The following GRIN1 variants were observed in gnomAD, a reference collection of about 807,000 sequenced individuals.
GRIN1 encodes the protein glutamate receptor ionotropic, NMDA 1.
GRIN1 carries 38 observed loss-of-function variants against 103.0 expected under a neutral mutation model. The ratio of observed to expected loss-of-function variants is 0.37; its 90% CI spans 0.28 to 0.48. The LOEUF (loss-of-function observed/expected upper bound fraction) is 0.48. GRIN1 is among the 20% of genes least tolerant of loss of function. The pLI is 0.98. For missense variants in GRIN1, 577 were observed against 1,288.9 expected (o/e 0.45, Z 8.46); for synonymous variants, 544 against 532.7 (o/e 1.02, Z -0.29).
At chr9:137,148,268 C>A (rs562334634) in intron 3 of GRIN1, 2 of 1,251,730 alleles carry the variant, frequency 1.6e-6, no homozygotes, top group South Asian at 1.3e-5. Flanking sequence ...CTGGCCTCGG[C>A]GCCTCGGCCA....
In GRIN1 at chr9:137,139,425, C is replaced by T. The variant is rs1451149885; in HGVS notation, c.-62C>T. On this transcript the variant is annotated 5_prime_UTR_variant, in exon 1 of 20. Coordinates refer to ENST00000371561, the MANE Select transcript of GRIN1 (RefSeq NM_007327.4). This position sits in a 1 kb window ranked among gnomAD's most constrained non-coding sequence, Gnocchi z 7.7. ...AGCGCAGGACGGCCCGGAAGCCCCG[C>T]GGGGGATGCGCCGAGGGCCCCGCGT... 8 of 1,292,716 alleles carry T rather than the reference C, an allele frequency of 6.2e-6. No homozygotes were observed. In the African/African-American group the frequency reaches 1.1e-4, roughly 18 times the overall value. The allele number at this position is 1,292,716 out of a possible 1,614,324, so 80.1% of individuals were successfully genotyped here.
rs148688400 is a variant in GRIN1 at position 137,139,552 on chromosome 9, C to T, written c.66C>T (p.Cys22=). Residue 22 remains cysteine, a synonymous_variant, in exon 1 of 20, where the codon TGC becomes TGT. Transcript: ENST00000371561. The surrounding 1 kb of genome is among the most constrained non-coding windows in gnomAD (Gnocchi z 7.7). ...CCTGCTCCGTCGCCCGTGCCGCGTGCGACCCCAAGATCGTCAACATTGGCG... is the reference window on the plus strand; with the variant it reads ...CCTGCTCCGTCGCCCGTGCCGCGTGTGACCCCAAGATCGTCAACATTGGCG... ...LFSCSVARAA[C]DPKIVNIGAV... is the part of the protein sequence containing the mutation. The T allele has an allele frequency of 1.6e-5, 26 of 1,611,632 alleles. No homozygotes were observed. In the African/African-American group the frequency reaches 2.8e-4, roughly 17 times the overall value.
chr9:137,161,377 G>T lies in GRIN1; in HGVS notation c.1428G>T (p.Val476=). The T allele has an allele frequency of 6.2e-7, 1 of 1,612,510 alleles. No homozygotes were observed. The highest frequency in any genetic ancestry group is 1.1e-5 in the South Asian group (1 of 91,056). ...GGACCATGAACTTCACCTACGAGGT[G>T]CACCTGGTGGCAGATGGCAAGTTCG... is the stretch of plus-strand genomic sequence containing the variant. ...LARTMNFTYE[V]HLVADGKFGT... Residue 476 remains valine, a synonymous_variant, in exon 10 of 20, where the codon GTG becomes GTT. Transcript: ENST00000371561.
chr9:137,161,875 G>A (rs201082893), intron 10 of GRIN1, 49 bp from the exon 11 acceptor site: 39 of 1,541,716 alleles, frequency 2.5e-5, no homozygotes, highest in Non-Finnish European at 3.3e-5. Context: ...CCTGTGGCGG[G>A]AGCTGGGAGG....
chr9:137,148,356 G>A (rs1832664289), intron 3 of GRIN1: 1 of 630,624 alleles, frequency 1.6e-6, no homozygotes, highest in Non-Finnish European at 2.8e-6. Flanking sequence ...AGGCAGGAGA[G>A]GGCAGGCAGG....
intron 18 of GRIN1, 158 bp from the exon 19 acceptor site, chr9:137,165,028 G>T: frequency 1.4e-6 from 1 of 696,516 alleles, no homozygotes; most frequent in Non-Finnish European, 2.6e-6. Context: ...GGCCACCCTC[G>T]AACGTCCGCT....
intron 2 of GRIN1, 113 bp downstream of exon 2, chr9:137,142,260 C>A: frequency 2.0e-6 from 2 of 1,008,374 alleles, no homozygotes; most frequent in East Asian, 2.4e-5. Context: ...CCACAAACAG[C>A]CACACAGCTC....
At chr9:137,151,652 T>C (rs1832923061) in intron 4 of GRIN1, among the ~76,000 whole-genome samples, 1 of 152,130 alleles carries the variant, frequency 6.6e-6, no homozygotes, top group Admixed American at 6.5e-5. Context: ...CCCGCCAGAC[T>C]CTCAGAAGTT....
chr9:137,139,759 C>G lies in GRIN1; in HGVS notation c.258+15C>G, dbSNP rs763413926. 1 of 1,604,286 alleles carries G rather than the reference C, an allele frequency of 6.2e-7. No homozygotes were observed. On this transcript the variant is annotated intron_variant, in intron 1 of 19. Transcript: ENST00000371561. The surrounding 1 kb of genome is among the most constrained non-coding windows in gnomAD (Gnocchi z 7.7). The stretch of plus-strand genomic sequence containing the variant: ...TCTCCAGCCAGGTGCCCTCCCCCAC[C>G]TCCGCCACCCACCTCCCCTCTCCTC...
intron 18 of GRIN1, chr9:137,164,901 C>T (rs1278825865): frequency 2.2e-6 from 1 of 457,160 alleles, no homozygotes; most frequent in East Asian, 4.3e-5. Flanking sequence ...GCCTGTAAGC[C>T]AGGGCCACCC....
chr9:137,144,313 T>C (rs1041823454), intron 2 of GRIN1, among the ~76,000 whole-genome samples: 2 of 146,946 alleles, frequency 1.4e-5, no homozygotes, highest in Non-Finnish European at 3.0e-5. Flanking sequence ...GTCCCCAGGA[T>C]GGTGGGGACA....
intron 8 of GRIN1, among the ~76,000 whole-genome samples, chr9:137,159,562 C>G (rs1833419675): frequency 1.3e-5 from 2 of 152,202 alleles, no homozygotes; most frequent in South Asian, 4.1e-4. Context: ...TTCATTGCAG[C>G]CCAGACACCT....
At chr9:137,151,213 A>G (rs932515326) in intron 4 of GRIN1, among the ~76,000 whole-genome samples, 1 of 148,528 alleles carries the variant, frequency 6.7e-6, no homozygotes, top group African/African-American at 2.5e-5. Flanking sequence ...CGCCCAGAAA[A>G]AAGTCGCGCC....
intron 4 of GRIN1, among the ~76,000 whole-genome samples, chr9:137,154,743 C>T (rs533957839): frequency 1.3e-5 from 2 of 152,280 alleles, no homozygotes; most frequent in African/African-American, 4.8e-5. Context: ...TCAGTTACTG[C>T]GCCTGGCCTC....
chr9:137,149,121 C>T lies in GRIN1; in HGVS notation c.671+12C>T. The T allele has an allele frequency of 6.5e-7, 1 of 1,540,434 alleles. No homozygotes were observed. The highest frequency in any genetic ancestry group is 8.9e-7 in the Non-Finnish European group (1 of 1,121,040). ...ATCCTTTCTGCCAGGTGAGGCTGGG[C>T]AGGGCCCTACACACTCCACACAGGA... On this transcript the variant is annotated intron_variant, in intron 4 of 19. Transcript: ENST00000371561.
At chr9:137,153,549 ACC>A (rs1833033933) in intron 4 of GRIN1, among the ~76,000 whole-genome samples, 2 of 151,904 alleles carry the variant, frequency 1.3e-5, no homozygotes, top group African/African-American at 4.8e-5. Flanking sequence ...ACACACATGC[ACC>A]ATGCATACAC....
At chr9:137,151,237 G>T (rs1354860809) in intron 4 of GRIN1, among the ~76,000 whole-genome samples, 1 of 126,182 alleles carries the variant, frequency 7.9e-6, no homozygotes, top group Admixed American at 8.5e-5. Context: ...TGAAAGCCCT[G>T]CCCAGAAAAA....
intron 2 of GRIN1, 60 bp from the exon 3 acceptor site, chr9:137,145,666 G>C: frequency 7.0e-7 from 1 of 1,429,628 alleles, no homozygotes; most frequent in Non-Finnish European, 9.7e-7. Context: ...AGTGGGAGGC[G>C]GGTGGGAGGG....
intron 19 of GRIN1, among the ~76,000 whole-genome samples, chr9:137,166,399 G>A (rs555425475): frequency 4.6e-5 from 7 of 152,220 alleles, no homozygotes; most frequent in East Asian, 3.8e-4. Context: ...CCTCAGCCCC[G>A]TGGCCACCCT....
Sources: allele counts gnomAD v4.1 joint callset (sites outside exome capture counted in the v4.1 genomes callset), GRCh38; gene constraint gnomAD v4.1.1; non-coding constraint Gnocchi (gnomAD v3.1); transcripts MANE v1.5; gene names NCBI Gene and HGNC (gene_info 2026-07-23, HGNC 2026-07-21).